Variants in GUCY1A2 observed in about 807,000 individuals in gnomAD.
The protein encoded by GUCY1A2 is guanylate cyclase 1 soluble subunit alpha 2, also known as guanylate cyclase soluble subunit alpha-2.
In GUCY1A2, 27 loss-of-function variants were observed where a neutral mutation model predicts 63.5. That is an observed-to-expected ratio of 0.43 (90% CI 0.31 to 0.59). The LOEUF (loss-of-function observed/expected upper bound fraction) is 0.59. Ranked by LOEUF, GUCY1A2 falls within the 20% of genes least tolerant of loss-of-function variation. GUCY1A2 has a pLI of 0.11. For synonymous variants in GUCY1A2, 364 were observed against 343.5 expected (o/e 1.06, Z -0.66); for missense variants, 768 against 913.3 (o/e 0.84, Z 2.05).
At chr11:106,853,136 T>G (rs147114844) in intron 4 of GUCY1A2, among the ~76,000 whole-genome samples, 1,963 of 152,308 alleles carry the variant, frequency 0.013, 28 homozygotes, top group South Asian at 0.048. Context: ...AGATGAAATA[T>G]GTTTAGGAAT....
At chr11:106,963,855 T>G (rs1205341984) in intron 3 of GUCY1A2, among the ~76,000 whole-genome samples, 1 of 152,226 alleles carries the variant, frequency 6.6e-6, no homozygotes, top group African/African-American at 2.4e-5. Flanking sequence ...CCTTTGGACT[T>G]ATAATATATT....
intron 4 of GUCY1A2, among the ~76,000 whole-genome samples, chr11:106,908,263 A>T (rs1226908988): frequency 6.6e-6 from 1 of 151,898 alleles, no homozygotes; most frequent in African/African-American, 2.4e-5. Flanking sequence ...ATAGTGAAAA[A>T]CTCAATTTTT....
Position 106,782,677 on chromosome 11 carries a change from G to C in GUCY1A2, c.1693-6095C>G, listed in dbSNP as rs567131645. Among the ~76,000 whole-genome samples the C allele has an allele frequency of 2.0e-5, 3 of 152,310 alleles. No homozygotes were observed. The East Asian group carries it at 5.8e-4, about 29-fold the overall frequency. On this transcript the variant is annotated intron_variant, in intron 5 of 7. Transcript: ENST00000526355. Reference sequence around the variant, plus strand: ...CAAGAGTCTGAGTCCATAAGCAGTTGTGGAAGTCTTTGGTGACTAGAAACT... The same window carrying C: ...CAAGAGTCTGAGTCCATAAGCAGTTCTGGAAGTCTTTGGTGACTAGAAACT...
At position 106,773,964 on chromosome 11, in the gene GUCY1A2, T is replaced by C. The variant is rs373421629; in HGVS notation, c.1836+2475A>G. ...TGTCAAAATTTTCTAATGACAAATTTATAGTTTTATAATATGAATTTTTAC... is the reference window on the plus strand; with the variant it reads ...TGTCAAAATTTTCTAATGACAAATTCATAGTTTTATAATATGAATTTTTAC... On this transcript the variant is annotated intron_variant, in intron 6 of 7. Transcript: ENST00000526355. Among the ~76,000 whole-genome samples, 52 of 152,304 alleles carry C rather than the reference T, an allele frequency of 3.4e-4. No individual in the cohort carries two copies. The East Asian group carries it at 6.6e-3, about 19-fold the overall frequency.
chr11:106,961,711 C>G (rs1011650118), intron 3 of GUCY1A2, among the ~76,000 whole-genome samples: 54 of 152,196 alleles, frequency 3.5e-4, no homozygotes, highest in African/African-American at 1.2e-3. Flanking sequence ...CATTCCTAGC[C>G]TTGCCAGTAT....
At chr11:107,010,760 T>C (rs1489778414) in intron 1 of GUCY1A2, among the ~76,000 whole-genome samples, 1 of 152,172 alleles carries the variant, frequency 6.6e-6, no homozygotes, top group African/African-American at 2.4e-5. Flanking sequence ...AGATGGAGTA[T>C]TCCTCTGTCA....
At chr11:107,005,845 G>A (rs1861664454) in intron 1 of GUCY1A2, among the ~76,000 whole-genome samples, 1 of 152,056 alleles carries the variant, frequency 6.6e-6, no homozygotes, top group Non-Finnish European at 1.5e-5. Flanking sequence ...GCCCAAAAAT[G>A]TTGGAAATAT....
At chr11:106,978,849 C>T (rs1201960338) in intron 2 of GUCY1A2, 109 bp from the exon 3 acceptor site, 2 of 648,254 alleles carry the variant, frequency 3.1e-6, no homozygotes, top group Non-Finnish European at 5.2e-6. Context: ...ATCATAGTCA[C>T]ATTTTAAAAT....
chr11:106,957,838 C>T (rs1861007278), intron 3 of GUCY1A2, among the ~76,000 whole-genome samples: 1 of 134,662 alleles, frequency 7.4e-6, no homozygotes, highest in Non-Finnish European at 1.5e-5. Context: ...GCAGTCCAGT[C>T]TGAGCAAAGG....
chr11:106,975,428 G>A (rs556530370), intron 3 of GUCY1A2, among the ~76,000 whole-genome samples: 1 of 151,954 alleles, frequency 6.6e-6, no homozygotes, highest in African/African-American at 2.4e-5. Context: ...TCTATTTTTT[G>A]GACAACTAAA....
chr11:106,686,701 A>G lies in GUCY1A2; in HGVS notation c.*848T>C, dbSNP rs1862532046. The G allele has an allele frequency of 4.8e-6, 1 of 210,048 alleles. No individual in the cohort carries two copies. Among genetic ancestry groups the G allele is most frequent in the South Asian group, 1.9e-4 (1 of 5,334 alleles). 13.0% of individuals were successfully genotyped at this position (210,048 alleles called of 1,614,324 possible). On this transcript the variant is annotated 3_prime_UTR_variant, in exon 8 of 8. Transcript: ENST00000526355. ...CATTTCATTTTAACTGATATTTGTT[A>G]GAAGGTGGCAAAAAGACCTTTCTTT... is the stretch of plus-strand genomic sequence containing the variant.
In GUCY1A2 at chr11:106,677,468, C is replaced by T. The variant is rs1307472188; in HGVS notation, c.*10081G>A. 1 of 207,562 alleles carries T rather than the reference C, an allele frequency of 4.8e-6. No homozygotes were observed. Among genetic ancestry groups the T allele is most frequent in the African/African-American group, 2.3e-5 (1 of 43,936 alleles). The allele number at this position is 207,562 out of a possible 1,614,324, so 12.9% of individuals were successfully genotyped here. A position where few individuals can be genotyped will look rare whatever the true frequency, so the allele number is the denominator to read the frequency against. ...TAATGCAGCAAATATTGATTGAAGA[C>T]ATAAAACCAAATTTTCCCAGCAGAT... On this transcript the variant is annotated 3_prime_UTR_variant, in exon 8 of 8. Transcript: ENST00000526355.
At chr11:106,996,952 G>T (rs1861547226) in intron 1 of GUCY1A2, among the ~76,000 whole-genome samples, 1 of 152,146 alleles carries the variant, frequency 6.6e-6, no homozygotes, top group African/African-American at 2.4e-5. Context: ...CATCATCAGT[G>T]TCTATGATGC....
At position 106,708,562 on chromosome 11, in the gene GUCY1A2, G is replaced by A. The variant is rs1862959133; in HGVS notation, c.1941C>T (p.Phe647=). The change falls in exon 7 of 8, where the codon TTC becomes TTT. Residue 647 remains phenylalanine, a synonymous_variant. Coordinates refer to ENST00000526355, the MANE Select transcript of GUCY1A2 (RefSeq NM_000855.3). ...FGNNVTLASK[F]ESGSHPRRIN... is the part of the protein sequence containing the mutation. ...TGCGCCGAGGGTGACTTCCCGACTC[G>A]AATTTGCTTGCCAGTGTGACATTAT... The A allele has an allele frequency of 1.9e-6, 3 of 1,612,640 alleles. No homozygotes were observed. The highest frequency in any genetic ancestry group is 1.3e-5 in the African/African-American group (1 of 74,736).
chr11:106,698,495 A>G (rs1862762031), intron 7 of GUCY1A2, among the ~76,000 whole-genome samples: 1 of 152,108 alleles, frequency 6.6e-6, no homozygotes, highest in South Asian at 2.1e-4. Flanking sequence ...AAGAATTGCA[A>G]AGATAATATA....
chr11:106,786,959 G>A (rs1340201684), intron 5 of GUCY1A2, among the ~76,000 whole-genome samples: 1 of 152,072 alleles, frequency 6.6e-6, no homozygotes, highest in Admixed American at 6.6e-5. Flanking sequence ...CCCAGAGAAT[G>A]GCAAATGTCT....
chr11:106,898,865 A>T (rs1040730588), intron 4 of GUCY1A2, among the ~76,000 whole-genome samples: 1 of 152,180 alleles, frequency 6.6e-6, no homozygotes, highest in Non-Finnish European at 1.5e-5. Context: ...GACTATAATG[A>T]TGTATCAGTG....
chr11:106,747,531 T>C (rs904283764), intron 6 of GUCY1A2, among the ~76,000 whole-genome samples: 17 of 152,344 alleles, frequency 1.1e-4, no homozygotes, highest in African/African-American at 3.8e-4. Flanking sequence ...TAGTGTTTAT[T>C]AGAAACAGCT....
At chr11:106,881,416 C>A (rs1024564575) in intron 4 of GUCY1A2, among the ~76,000 whole-genome samples, 1 of 151,946 alleles carries the variant, frequency 6.6e-6, no homozygotes, top group Non-Finnish European at 1.5e-5. Flanking sequence ...ACCAAAAGTT[C>A]TTCAAGATCC....
Sources: allele counts gnomAD v4.1 joint callset (sites outside exome capture counted in the v4.1 genomes callset), GRCh38; gene constraint gnomAD v4.1.1; transcripts MANE v1.5; gene names NCBI Gene and HGNC (gene_info 2026-07-23, HGNC 2026-07-21).